WDR72: variants seen among roughly 807,000 people sequenced by gnomAD.
WDR72 encodes WD repeat-containing protein 72.
WDR72 carries 120 observed loss-of-function variants against 124.2 expected under a neutral mutation model. The ratio of observed to expected loss-of-function variants is 0.97; its 90% CI spans 0.83 to 1.12. The LOEUF (loss-of-function observed/expected upper bound fraction) is 1.12, where lower values mean the gene tolerates loss of function less well. WDR72 is among the 50% of genes most tolerant of loss of function. The pLI, the probability that WDR72 is intolerant of heterozygous loss-of-function variation, is 0.00. For missense variants in WDR72, 1,387 were observed against 1,278.8 expected, an observed-to-expected ratio of 1.08 and a Z score of -1.29; for synonymous variants, 452 against 441.7, an observed-to-expected ratio of 1.02 and a Z score of -0.29.
intron 18 of WDR72, among the ~76,000 whole-genome samples, chr15:53,547,059 C>T (rs1218580514): frequency 6.6e-6 from 1 of 152,178 alleles, no homozygotes; most frequent in African/African-American, 2.4e-5. Flanking sequence ...TGACAAAATA[C>T]ATAAGCCTTG....
chr15:53,720,173 TTTTA>T, intron 3 of WDR72, among the ~76,000 whole-genome samples: 1 of 152,304 alleles, frequency 6.6e-6, no homozygotes, highest in Non-Finnish European at 1.5e-5. Flanking sequence ...TTCTTTTATT[TTTTA>T]TTTCTTTTGT....
chr15:53,661,163 T>G (rs1367612365), intron 14 of WDR72, among the ~76,000 whole-genome samples: 1 of 152,172 alleles, frequency 6.6e-6, no homozygotes, highest in African/African-American at 2.4e-5. Context: ...GCCAAAAATA[T>G]GTACTATCTG....
chr15:53,519,399 A>C (rs12901500), intron 19 of WDR72, among the ~76,000 whole-genome samples: 1 of 151,912 alleles, frequency 6.6e-6, no homozygotes, highest in African/African-American at 2.4e-5. Flanking sequence ...ATCTCAAAAG[A>C]GGGAGCTGAA....
Position 53,733,023 on chromosome 15 carries a change from G to A in WDR72, c.127C>T (p.Leu43Phe), listed in dbSNP as rs1009489505. The A allele has an allele frequency of 1.1e-5, 17 of 1,613,966 alleles. No individual in the cohort carries two copies. Among genetic ancestry groups the A allele is most frequent in the Non-Finnish European group, 1.4e-5 (16 of 1,179,980 alleles). ...TTTAGTTCATGTGAGAGATTCCAGA[G>A]ACAGAGCTGACCCTCTTGACTTCCA... is the stretch of plus-strand genomic sequence containing the variant. ...VTGSQEGQLC[L>F]WNLSHELKIS... Residue 43 changes from leucine to phenylalanine, a missense_variant, in exon 2 of 20, where the codon CTC becomes TTC. By Grantham distance (22) the Leu-to-Phe change is conservative. Transcript: ENST00000360509.
intron 3 of WDR72, 86 bp from the exon 4 acceptor site, chr15:53,716,771 C>A (rs1401359521): frequency 5.6e-5 from 23 of 409,530 alleles, no homozygotes; most frequent in East Asian, 2.2e-4. Context: ...TTTTCTTTAG[C>A]AGCCTGATCA....
chr15:53,701,850 T>G (rs12905988), intron 12 of WDR72, among the ~76,000 whole-genome samples: 123 of 152,240 alleles, frequency 8.1e-4, no homozygotes, highest in Non-Finnish European at 1.4e-3. Flanking sequence ...AAAAAATAGA[T>G]GTAAGTACTT....
intron 8 of WDR72, 74 bp downstream of exon 8, chr15:53,711,262 A>AT (rs1243448319): frequency 3.7e-6 from 6 of 1,607,158 alleles, no homozygotes; most frequent in Admixed American, 3.3e-5. Context: ...GCATGCAGGG[A>AT]TTTTTCCATA....
chr15:53,547,089 A>G (rs1339651644), intron 18 of WDR72, among the ~76,000 whole-genome samples: 2 of 152,240 alleles, frequency 1.3e-5, no homozygotes, highest in African/African-American at 4.8e-5. Flanking sequence ...CCAACAACCT[A>G]CTTAATTCAG....
intron 14 of WDR72, among the ~76,000 whole-genome samples, chr15:53,661,783 A>AT (rs1159127887): frequency 6.6e-6 from 1 of 152,170 alleles, no homozygotes; most frequent in African/African-American, 2.4e-5. Context: ...TACTAACCAC[A>AT]TTTCAAATAC....
chr15:53,675,499 T>G (rs1218300168), intron 13 of WDR72, among the ~76,000 whole-genome samples: 1 of 152,238 alleles, frequency 6.6e-6, no homozygotes, highest in African/African-American at 2.4e-5. Flanking sequence ...TACAATTATC[T>G]ATTATATACA....
At chr15:53,684,145 C>A (rs769489803) in intron 13 of WDR72, 4 of 152,124 alleles carry the variant, frequency 2.6e-5, no homozygotes, top group East Asian at 3.9e-4. Context: ...AATAGACGAA[C>A]CTTTAACAAT....
intron 3 of WDR72, among the ~76,000 whole-genome samples, chr15:53,718,831 A>T (rs1040265476): frequency 2.0e-5 from 3 of 151,748 alleles, no homozygotes; most frequent in Non-Finnish European, 4.4e-5. Context: ...TAAAAATTTT[A>T]AAAATCTTAA....
At chr15:53,709,316 T>C (rs147735106) in intron 9 of WDR72, among the ~76,000 whole-genome samples, 39 of 152,356 alleles carry the variant, frequency 2.6e-4, no homozygotes, top group African/African-American at 8.9e-4. Flanking sequence ...CACTGGCTTC[T>C]AGGCTTTCTC....
Position 53,616,031 on chromosome 15 carries a change from C to G in WDR72, c.2175G>C (p.Leu725=). 1.2e-6 allele frequency: 2 copies of G among 1,613,152 alleles called. No homozygotes were observed. Among genetic ancestry groups the G allele is most frequent in the Non-Finnish European group, 1.7e-6 (2 of 1,179,518 alleles). Residue 725 remains leucine (L), a synonymous_variant, in exon 15 of 20, where the codon CTG becomes CTC. Transcript: ENST00000360509. ...AGGCAGTTTTACTTTTTCTCAGTGT[C>G]AGTGTCTTCTTCTCCACTGTGCTCT... The part of the protein sequence containing the change: ...RAKSTVEKKT[L]TLRKSKTACG...
rs1030613108 is a variant in WDR72, at chr15:53,553,402, T to A, written c.3149-30080A>T. On this transcript the variant is annotated intron_variant, in intron 18 of 19. Coordinates refer to ENST00000360509, the MANE Select transcript of WDR72 (RefSeq NM_182758.4). The stretch of plus-strand genomic sequence containing the variant: ...CCAGGTTGTGGGTGCTGCAGTGTTT[T>A]CGTGTTATGTAGCACGGGGAGAACA... Among the ~76,000 whole-genome samples the A allele has an allele frequency of 3.3e-5, 5 of 152,180 alleles. 1 individual carries two copies. The highest frequency in any genetic ancestry group is 7.4e-5 in the Non-Finnish European group (5 of 68,024).
At chr15:53,737,462 T>TA (rs1213075956) in intron 1 of WDR72, among the ~76,000 whole-genome samples, 2 of 151,970 alleles carry the variant, frequency 1.3e-5, no homozygotes, top group East Asian at 3.9e-4. Context: ...AGGTTGAAAA[T>TA]AAAGAGGTGA....
chr15:53,668,577 G>C (rs148504474), intron 13 of WDR72, among the ~76,000 whole-genome samples: 3 of 152,122 alleles, frequency 2.0e-5, no homozygotes, highest in Admixed American at 6.6e-5. Flanking sequence ...TTTGTGGACA[G>C]AGCGTGCTGG....
At chr15:53,701,224 G>T (rs894637736) in intron 12 of WDR72, among the ~76,000 whole-genome samples, 16 of 152,082 alleles carry the variant, frequency 1.1e-4, no homozygotes, top group Non-Finnish European at 1.8e-4. Context: ...TTAAATAAAT[G>T]AATAAGCAAA....
chr15:53,619,283 T>TGC (rs1352329003), intron 14 of WDR72, among the ~76,000 whole-genome samples: 1 of 151,666 alleles, frequency 6.6e-6, no homozygotes, highest in Non-Finnish European at 1.5e-5. Flanking sequence ...TGTGTGTGTG[T>TGC]GTGTGTGTGT....
Sources: allele counts gnomAD v4.1 joint callset (sites outside exome capture counted in the v4.1 genomes callset), GRCh38; gene constraint gnomAD v4.1.1; transcripts MANE v1.5; gene names NCBI Gene and HGNC (gene_info 2026-07-23, HGNC 2026-07-21).